The following TNNT3 variants were observed in gnomAD, a reference collection of about 807,000 sequenced individuals.
The protein encoded by TNNT3 is troponin T3, fast skeletal type.
TNNT3 carries 36 observed loss-of-function variants against 54.2 expected under a neutral mutation model. The observed-to-expected ratio is 0.66, with a 90% CI of 0.51 to 0.88. The LOEUF (loss-of-function observed/expected upper bound fraction) is 0.88. TNNT3 is among the 40% of genes least tolerant of loss of function. TNNT3 has a pLI of 0.00. For missense variants in TNNT3, 291 were observed against 331.6 expected (o/e 0.88, Z 0.95); for synonymous variants, 120 against 109.7 (o/e 1.09, Z -0.59).
At chr11:1,923,397 C>A (rs1026325396) in intron 3 of TNNT3, among the ~76,000 whole-genome samples, 158 bp from the exon 4 acceptor site, 2 of 152,000 alleles carry the variant, frequency 1.3e-5, no homozygotes, top group African/African-American at 4.8e-5. Flanking sequence ...CCTTCCCCAG[C>A]GCCTCCTCAG....
intron 11 of TNNT3, 42 bp from the exon 12 acceptor site, chr11:1,934,290 C>G: frequency 6.3e-7 from 1 of 1,574,870 alleles, no homozygotes; most frequent in Non-Finnish European, 8.7e-7. Context: ...AAGCATAGCC[C>G]TCTCTCCATC....
intron 1 of TNNT3, chr11:1,921,345 C>G (rs1033122): frequency 0.44 from 66,977 of 152,162 alleles, 15,407 homozygotes; most frequent in East Asian, 0.7. Flanking sequence ...CTTCACTGAC[C>G]CTCCTCCTCC....
chr11:1,935,081 G>C (rs1854577189), intron 14 of TNNT3, 162 bp downstream of exon 14: 2 of 723,920 alleles, frequency 2.8e-6, no homozygotes, highest in Non-Finnish European at 4.9e-6. Context: ...GGCTGAGGCT[G>C]CTTTCCTGCT....
At chr11:1,930,275 C>T (rs1436642296) in intron 8 of TNNT3, among the ~76,000 whole-genome samples, 2 of 152,048 alleles carry the variant, frequency 1.3e-5, no homozygotes, top group Non-Finnish European at 1.5e-5. Flanking sequence ...CCACGGCCTT[C>T]GGGGGACCAC....
rs1172145819 is a variant in TNNT3 at position 1,934,421 on chromosome 11, C to T, written c.456C>T (p.Ala152=). Residue 152 remains alanine, a synonymous_variant, in exon 12 of 16, where the codon GCC becomes GCT. Coordinates refer to ENST00000278317, the MANE Select transcript of TNNT3 (RefSeq NM_006757.4). ...AGAAAGCTCTGTCTTCCATGGGAGC[C>T]AACTACAGCAGCTACCTGGCCAAGG... ...KKKKALSSMG[A]NYSSYLAKAD... The T allele has an allele frequency of 6.2e-7, 1 of 1,613,756 alleles. No homozygotes were observed. Among genetic ancestry groups the T allele is most frequent in the South Asian group, 1.1e-5 (1 of 91,084 alleles).
chr11:1,932,606 T>G, intron 9 of TNNT3, 92 bp downstream of exon 9: 2 of 1,341,306 alleles, frequency 1.5e-6, no homozygotes, highest in South Asian at 1.2e-5. Flanking sequence ...TCCTCCCAAG[T>G]AGCCAGAGCC....
intron 1 of TNNT3, among the ~76,000 whole-genome samples, chr11:1,920,097 C>T (rs866093514): frequency 2.1e-4 from 32 of 152,100 alleles, no homozygotes; most frequent in Non-Finnish European, 3.8e-4. Flanking sequence ...CAGAGAGGTG[C>T]GGGCTGTGAG....
intron 14 of TNNT3, 31 bp downstream of exon 14, chr11:1,934,950 C>G: frequency 1.2e-6 from 2 of 1,605,048 alleles, no homozygotes; most frequent in Non-Finnish European, 1.7e-6. Flanking sequence ...CCCTGGGGCC[C>G]TAGCGGCTTT....
At chr11:1,930,002 A>G (rs1852894793) in intron 8 of TNNT3, among the ~76,000 whole-genome samples, 174 bp downstream of exon 8, 1 of 151,828 alleles carries the variant, frequency 6.6e-6, no homozygotes, top group Admixed American at 6.6e-5. Context: ...GTGGAGGCGG[A>G]GGAGAGGGCC....
At chr11:1,926,326 T>G (rs1476712769) in intron 5 of TNNT3, 15 of 1,036,002 alleles carry the variant, frequency 1.4e-5, no homozygotes, top group Non-Finnish European at 2.1e-5. Flanking sequence ...GGGCTAACTC[T>G]GACCGTGTCT....
intron 7 of TNNT3, among the ~76,000 whole-genome samples, chr11:1,929,528 G>A (rs144586082): frequency 1.2e-3 from 181 of 152,268 alleles, no homozygotes; most frequent in Non-Finnish European, 1.3e-3. Flanking sequence ...TCAAGGACGC[G>A]GCCTGTCTCG....
In TNNT3 at chr11:1,934,851, G is replaced by C; in HGVS notation, c.613G>C (p.Glu205Gln). 3 of 1,613,636 alleles carry C rather than the reference G, an allele frequency of 1.9e-6. No individual in the cohort carries two copies. Among genetic ancestry groups the C allele is most frequent in the Non-Finnish European group, 2.5e-6 (3 of 1,180,040 alleles). The stretch of plus-strand genomic sequence containing the variant: ...CAGGGACAAGGCCAAGGAGCTCTGG[G>C]AGACCCTGCACCAGCTGGAGATTGA... ...KLRDKAKELW[E>Q]TLHQLEIDKF... Residue 205 changes from glutamate (E) to glutamine (Q), a missense_variant, in exon 14 of 16, where the codon GAG (glutamate) becomes CAG (glutamine). Glu to Gln is a conservative substitution (Grantham distance 29, BLOSUM62 2). Transcript: ENST00000278317.
In TNNT3 at chr11:1,920,737, C is replaced by T. The variant is rs937228152; in HGVS notation, c.-19+975C>T. Among the ~76,000 whole-genome samples the T allele has an allele frequency of 1.8e-4, 27 of 152,258 alleles. 1 individual carries two copies. In the South Asian group the frequency reaches 2.5e-3, roughly 14 times the overall value. The stretch of plus-strand genomic sequence containing the variant: ...AAACTGACCGCATAGGTTATTTTCA[C>T]GCAGCCCCTCCAAGGCAGGCACTAA... On this transcript the variant is annotated intron_variant, in intron 1 of 15. Transcript: ENST00000278317.
intron 15 of TNNT3, 113 bp downstream of exon 15, chr11:1,937,116 C>A (rs987435047): frequency 1.7e-6 from 2 of 1,196,008 alleles, no homozygotes; most frequent in Non-Finnish European, 2.4e-6. Context: ...AGGGCAGTAA[C>A]GAGACTAACC....
At chr11:1,927,590 G>T (rs1473125886) in intron 6 of TNNT3, among the ~76,000 whole-genome samples, 3 of 152,192 alleles carry the variant, frequency 2.0e-5, no homozygotes, top group African/African-American at 7.2e-5. Flanking sequence ...AGCCTGTGGG[G>T]ATGACAGGGT....
chr11:1,923,527 TTCCCC>T, intron 3 of TNNT3, 23 bp from the exon 4 acceptor site: 1 of 1,613,840 alleles, frequency 6.2e-7, no homozygotes, highest in Non-Finnish European at 8.5e-7. Context: ...TCTAACGTGG[TTCCCC>T]TCTTTGTTCT....
At chr11:1,929,235 C>A in intron 7 of TNNT3, 92 bp downstream of exon 7, 1 of 1,408,274 alleles carries the variant, frequency 7.1e-7, no homozygotes, top group Non-Finnish European at 1.0e-6. Flanking sequence ...CGCTGCCCTG[C>A]CTCCTCCTCC....
chr11:1,925,005 T>C, intron 4 of TNNT3, 94 bp from the exon 5 acceptor site: 2 of 1,467,338 alleles, frequency 1.4e-6, no homozygotes, highest in Non-Finnish European at 1.9e-6. Flanking sequence ...GCCGGCCTCC[T>C]GTCCTTGCGG....
chr11:1,927,197 G>A (rs2133327896), intron 6 of TNNT3, among the ~76,000 whole-genome samples: 1 of 152,346 alleles, frequency 6.6e-6, no homozygotes, highest in African/African-American at 2.4e-5. Flanking sequence ...AAAGCAGGCT[G>A]AGGCCCAAGG....
Sources: gnomAD v4.1 joint callset for allele counts (sites outside exome capture counted in the v4.1 genomes callset) on GRCh38, gnomAD v4.1.1 for gene constraint, MANE v1.5 for transcripts, NCBI Gene and HGNC (gene_info 2026-07-23, HGNC 2026-07-21) for gene names.